Variants in DYNC1H1 observed in about 807,000 individuals in gnomAD.
DYNC1H1 encodes the protein dynein cytoplasmic 1 heavy chain 1.
Under a neutral mutation model 527.1 loss-of-function variants are expected in DYNC1H1, and 51 were observed. The ratio of observed to expected loss-of-function variants is 0.10; its 90% confidence interval spans 0.08 to 0.12. DYNC1H1 has a LOEUF of 0.12. Ranked by LOEUF, DYNC1H1 falls within the 10% of genes least tolerant of loss-of-function variation. The pLI is 1.00. For synonymous variants in DYNC1H1, 2,189 were observed against 2,278.8 expected, an observed-to-expected ratio of 0.96 and a Z score of 1.12; for missense variants, 2,771 against 5,971.8, an observed-to-expected ratio of 0.46 and a Z score of 17.66.
In DYNC1H1 at chr14:102,048,598, T is replaced by C; in HGVS notation, c.13301T>C (p.Val4434Ala). 6.2e-7 allele frequency: 1 copy of C among 1,614,164 alleles called. No homozygotes were observed. Among genetic ancestry groups the C allele is most frequent in the Non-Finnish European group, 8.5e-7 (1 of 1,180,030 alleles). Residue 4434 changes from valine to alanine, a missense_variant, in exon 74 of 78, where the codon GTC (valine) becomes GCC (alanine). By Grantham distance (64) the Val-to-Ala change is moderately conservative (BLOSUM62 0). This residue lies in a region of DYNC1H1 where 170 missense variants were observed against 249.8 expected (regional missense o/e 0.68). Transcript: ENST00000360184. ...GACGTTCGCCAGGACCTTGCAGATGTCGTCCAGGTGTGCGAAGGAAAGAAG... is the reference window on the plus strand; with the variant it reads ...GACGTTCGCCAGGACCTTGCAGATGCCGTCCAGGTGTGCGAAGGAAAGAAG... ...LQDVRQDLAD[V>A]VQVCEGKKKQ... is the part of the protein sequence containing the mutation.
intron 2 of DYNC1H1, among the ~76,000 whole-genome samples, chr14:101,976,307 C>T (rs1368941836): frequency 6.6e-6 from 1 of 151,422 alleles, no homozygotes; most frequent in Non-Finnish European, 1.5e-5. Context: ...CTTTGGGAGG[C>T]TGAGGTGGGC....
At chr14:101,990,924 G>T (rs904659629) in intron 10 of DYNC1H1, among the ~76,000 whole-genome samples, 4 of 151,296 alleles carry the variant, frequency 2.6e-5, no homozygotes, top group Non-Finnish European at 5.9e-5. Flanking sequence ...CAGGAGAATC[G>T]CTTGAACTCG....
chr14:101,990,051 AGCGG>A (rs2047979417), intron 10 of DYNC1H1, among the ~76,000 whole-genome samples: 1 of 152,254 alleles, frequency 6.6e-6, no homozygotes, highest in South Asian at 2.1e-4. Context: ...CTAGGTGGGC[AGCGG>A]GCTGTCATCT....
chr14:102,005,893 A>G lies in DYNC1H1; in HGVS notation c.5439A>G (p.Thr1813=), dbSNP rs756784802. The G allele has an allele frequency of 3.7e-6, 6 of 1,614,136 alleles. No individual in the cohort carries two copies. The South Asian group carries it at 4.4e-5, about 12-fold the overall frequency. Residue 1813 remains threonine, a synonymous_variant, in exon 27 of 78, where the codon ACA becomes ACG. Transcript: ENST00000360184. The surrounding 1 kb of genome is among the most constrained non-coding windows in gnomAD (Gnocchi z 4.0). ...LRRRKLEHLI[T]ELVHQRDVTR... ...AAGTGACTCTCTTTCTTCAGATTAC[A>G]GAGTTGGTTCACCAGAGAGATGTTA...
chr14:102,000,463 G>A (rs183816883), intron 18 of DYNC1H1, 64 bp downstream of exon 18: 25 of 1,482,632 alleles, frequency 1.7e-5, no homozygotes, highest in East Asian at 6.9e-5. Context: ...ATTTAGGAAC[G>A]TGACAAGCCA....
chr14:102,034,935 AAAAC>A, intron 56 of DYNC1H1: 2 of 250,312 alleles, frequency 8.0e-6, no homozygotes, highest in Non-Finnish European at 1.6e-5. Context: ...CAAAAAAAAA[AAAAC>A]ATAAAAATAG....
Position 102,005,475 on chromosome 14 carries a change from G to A in DYNC1H1, c.5433+239G>A, listed in dbSNP as rs927824766. 6.6e-6 allele frequency among the ~76,000 whole-genome samples: 1 copy of A among 152,198 alleles called. No homozygotes were observed. Among genetic ancestry groups the A allele is most frequent in the Non-Finnish European group, 1.5e-5 (1 of 68,042 alleles). ...AGAGGAAGGGATCAACCTTGGTCAGGATCTCTTGCTCTTTCCTGTCATCTC... is the reference window on the plus strand; with the variant it reads ...AGAGGAAGGGATCAACCTTGGTCAGAATCTCTTGCTCTTTCCTGTCATCTC... On this transcript the variant is annotated intron_variant, in intron 26 of 77. Transcript: ENST00000360184. This position sits in a 1 kb window ranked among gnomAD's most constrained non-coding sequence, Gnocchi z 4.0.
chr14:101,975,619 G>C lies in DYNC1H1; in HGVS notation c.257-93G>C. 3 of 1,170,318 alleles carry C rather than the reference G, an allele frequency of 2.6e-6. No homozygotes were observed. The East Asian group carries it at 7.4e-5, about 29-fold the overall frequency. 72.5% of individuals were successfully genotyped at this position (1,170,318 alleles called of 1,614,324 possible). A position where few individuals can be genotyped will look rare whatever the true frequency, so the allele number is the denominator to read the frequency against. ...ATGTAGGTGTCGATATGTCAGGCTG[G>C]GAGTAGGGAGAAAATAGTCATTGTC... On this transcript the variant is annotated intron_variant, in intron 1 of 77. Coordinates refer to ENST00000360184, the MANE Select transcript of DYNC1H1 (RefSeq NM_001376.5).
At position 101,983,576 on chromosome 14, in the gene DYNC1H1, A is replaced by G. The variant is rs781666800; in HGVS notation, c.1428A>G (p.Leu476=). 6.2e-7 allele frequency: 1 copy of G among 1,614,188 alleles called. No individual in the cohort carries two copies. Among genetic ancestry groups the G allele is most frequent in the Non-Finnish European group, 8.5e-7 (1 of 1,180,020 alleles). ...MRKFRRQHEQ[L]RAVIVRVLRP... is the part of the protein sequence containing the mutation. Reference sequence around the variant, plus strand: ...AATTTAGACGCCAGCATGAACAGCTAAGAGCTGTTATCGTCAGGGTCCTGA... The same window carrying G: ...AATTTAGACGCCAGCATGAACAGCTGAGAGCTGTTATCGTCAGGGTCCTGA... Residue 476 remains leucine, a synonymous_variant, in exon 7 of 78, where the codon CTA becomes CTG. Transcript: ENST00000360184. The surrounding 1 kb of genome is among the most constrained non-coding windows in gnomAD (Gnocchi z 5.3).
At chr14:102,008,963 C>G (rs566301169) in intron 29 of DYNC1H1, among the ~76,000 whole-genome samples, 20 of 152,232 alleles carry the variant, frequency 1.3e-4, no homozygotes, top group Non-Finnish European at 2.8e-4. Flanking sequence ...GTCTTTGCCA[C>G]GGGATGAGCG....
At chr14:102,046,696 G>A (rs563046309) in intron 72 of DYNC1H1, among the ~76,000 whole-genome samples, 50 of 152,318 alleles carry the variant, frequency 3.3e-4, no homozygotes, top group South Asian at 3.1e-3. Context: ...ATTCATGGTC[G>A]GGCTGAAAGC....
At chr14:101,996,407 G>C (rs1459225511) in intron 15 of DYNC1H1, among the ~76,000 whole-genome samples, 1 of 152,110 alleles carries the variant, frequency 6.6e-6, no homozygotes, top group Non-Finnish European at 1.5e-5. Flanking sequence ...TGGGATTACA[G>C]GCATGAGCCA....
chr14:101,996,224 G>C (rs1403524155), intron 15 of DYNC1H1, among the ~76,000 whole-genome samples: 2 of 149,990 alleles, frequency 1.3e-5, no homozygotes, highest in African/African-American at 4.9e-5. Flanking sequence ...CTGCCTCCTA[G>C]GTTCAAGCGA....
Position 102,044,485 on chromosome 14 carries a change from GCAT to G in DYNC1H1, c.12899_12901del (p.Ile4300del). On this transcript the variant is annotated inframe_deletion, in exon 71 of 78. Coordinates refer to ENST00000360184, the MANE Select transcript of DYNC1H1 (RefSeq NM_001376.5). The surrounding 1 kb of genome is among the most constrained non-coding windows in gnomAD (Gnocchi z 7.1). ...CATAAAGACATTCAAATGCCAGATG[GCAT>G]CAGGTATGCTGCTGCCTGCTGGAAT... 6.2e-7 allele frequency: 1 copy of G among 1,614,210 alleles called. No individual in the cohort carries two copies. The highest frequency in any genetic ancestry group is 8.5e-7 in the Non-Finnish European group (1 of 1,180,042).
At position 102,016,459 on chromosome 14, in the gene DYNC1H1, T is replaced by C. The variant is rs1451737646; in HGVS notation, c.7584T>C (p.Thr2528=). The C allele has an allele frequency of 3.0e-5, 49 of 1,614,210 alleles. No individual in the cohort carries two copies. Among genetic ancestry groups the C allele is most frequent in the Non-Finnish European group, 4.1e-5 (48 of 1,180,032 alleles). Residue 2528 remains threonine, a synonymous_variant, in exon 37 of 78, where the codon ACT becomes ACC. Transcript: ENST00000360184. The surrounding 1 kb of genome is among the most constrained non-coding windows in gnomAD (Gnocchi z 7.3). ...IRRITTVPLP[T]APNIPIIDYE... ...GAATCACGACCGTGCCTCTGCCCAC[T>C]GCGCCCAACATACCCATTATCGATT...
At chr14:102,006,274 G>A (rs2048195605) in intron 27 of DYNC1H1, 104 bp downstream of exon 27, 8 of 1,525,144 alleles carry the variant, frequency 5.2e-6, no homozygotes, top group Admixed American at 1.8e-5. Context: ...AGTGTCTGTC[G>A]CCCAGGCTGG....
Position 101,979,344 on chromosome 14 carries a change from G to A in DYNC1H1, c.370G>A (p.Val124Met), listed in dbSNP as rs749548033. The A allele has an allele frequency of 5.6e-6, 9 of 1,613,876 alleles. No individual in the cohort carries two copies. Among genetic ancestry groups the A allele is most frequent in the South Asian group, 2.2e-5 (2 of 91,068 alleles). ...CTTGGCATTCATTAAACGTACTCCC[G>A]TGATTGATGCAGATAAACCCGTGTC... Reference protein sequence around the residue: ...NSLAFIKRTPVIDADKPVSSQ... With the variant: ...NSLAFIKRTPMIDADKPVSSQ... The change falls in exon 3 of 78, where the codon GTG (valine) becomes ATG (methionine). Residue 124 changes from valine (V) to methionine (M), a missense_variant. Physicochemically the swap from Val to Met is conservative, Grantham distance 21 (BLOSUM62 1). Around this residue, in one of 32 missense-constraint regions of DYNC1H1, gnomAD observed 146 missense variants for 288.1 expected, o/e 0.51. Coordinates refer to ENST00000360184, the MANE Select transcript of DYNC1H1 (RefSeq NM_001376.5). The surrounding 1 kb of genome is among the most constrained non-coding windows in gnomAD (Gnocchi z 4.6).
chr14:102,003,550 T>C (rs1195104820), intron 23 of DYNC1H1, among the ~76,000 whole-genome samples: 2 of 152,218 alleles, frequency 1.3e-5, no homozygotes, highest in Non-Finnish European at 2.9e-5. Context: ...CATGAGCCAC[T>C]GCACCCAGCC....
At chr14:102,046,565 G>A (rs1374858092) in intron 72 of DYNC1H1, among the ~76,000 whole-genome samples, 1 of 152,190 alleles carries the variant, frequency 6.6e-6, no homozygotes, top group African/African-American at 2.4e-5. Flanking sequence ...GCACCACAAG[G>A]CTCGGGGTAA....
Sources: allele counts gnomAD v4.1 joint callset (sites outside exome capture counted in the v4.1 genomes callset), GRCh38; gene constraint gnomAD v4.1.1; regional missense constraint gnomAD v4.1.1; non-coding constraint Gnocchi (gnomAD v3.1); transcripts MANE v1.5; gene names NCBI Gene and HGNC (gene_info 2026-07-23, HGNC 2026-07-21).